NAALADL2: variants seen among roughly 807,000 people sequenced by gnomAD.
NAALADL2 encodes N-acetylated alpha-linked acidic dipeptidase like 2.
A neutral mutation model predicts 87.2 loss-of-function variants in NAALADL2; 76 were observed. The ratio of observed to expected loss-of-function variants is 0.87; its 90% CI spans 0.72 to 1.05. The LOEUF (loss-of-function observed/expected upper bound fraction) is 1.05, where lower values mean the gene tolerates loss of function less well. Ranked by LOEUF, NAALADL2 falls within the 50% of genes least tolerant of loss-of-function variation. NAALADL2 has a pLI of 0.00. For synonymous variants in NAALADL2, 354 were observed against 331.0 expected (o/e 1.07, Z -0.75); for missense variants, 1,089 against 945.8 (o/e 1.15, Z -1.99).
intron 4 of NAALADL2, among the ~76,000 whole-genome samples, chr3:175,294,008 G>A (rs1755993476): frequency 6.6e-6 from 1 of 152,208 alleles, no homozygotes; most frequent in Non-Finnish European, 1.5e-5. Flanking sequence ...GCCAAGCACA[G>A]TGCCTCTAAC....
Position 175,234,211 on chromosome 3 carries a change from T to G in NAALADL2, c.819+7T>G, listed in dbSNP as rs750620610. The G allele has an allele frequency of 4.3e-6, 7 of 1,611,652 alleles. No homozygotes were observed. Among genetic ancestry groups the G allele is most frequent in the Middle Eastern group, 3.3e-4 (2 of 6,034 alleles). On this transcript the variant is annotated splice_region_variant and intron_variant, in intron 3 of 13. Transcript: ENST00000454872. ...TGCCAAAGGAACTCTCAAGGTAATA[T>G]GACCATTTGTCTCTGTCATTTACAG...
At chr3:174,824,671 TAGG>T (rs1375475312) in intron 3 of NAALADL2, among the ~76,000 whole-genome samples, 6 of 152,282 alleles carry the variant, frequency 3.9e-5, no homozygotes, top group South Asian at 2.1e-4. Context: ...ATCAATCAAT[TAGG>T]AGATAATTCA....
chr3:174,515,163 G>A lies in NAALADL2; in HGVS notation c.-183-35406G>A, dbSNP rs184721068. Among the ~76,000 whole-genome samples, 3 of 152,222 alleles carry A rather than the reference G, an allele frequency of 2.0e-5. No individual in the cohort carries two copies. In the East Asian group the frequency reaches 5.8e-4, roughly 29 times the overall value. On this transcript the variant is annotated intron_variant, in intron 1 of 3. Transcript: ENST00000434257. ...AATAGTATTTCAGAAAAGGCATTCA[G>A]GTTGGGAGATGCATGTATATAGGAG...
At chr3:174,700,656 G>T (rs1325819318) in intron 2 of NAALADL2, among the ~76,000 whole-genome samples, 2 of 152,154 alleles carry the variant, frequency 1.3e-5, no homozygotes, top group African/African-American at 4.8e-5. Context: ...ACAACACAAA[G>T]TTCATGGCCA....
intron 2 of NAALADL2, among the ~76,000 whole-genome samples, chr3:175,163,667 C>A (rs1223650215): frequency 6.6e-6 from 1 of 152,048 alleles, no homozygotes; most frequent in Non-Finnish European, 1.5e-5. Flanking sequence ...GGTCTATAGT[C>A]CTAATATTTT....
chr3:175,059,008 G>C (rs754532004), intron 1 of NAALADL2, among the ~76,000 whole-genome samples: 30 of 152,176 alleles, frequency 2.0e-4, no homozygotes, highest in Non-Finnish European at 4.0e-4. Context: ...AGTTGTCAGG[G>C]ACATTGCTTT....
chr3:175,557,569 C>G (rs551798387), intron 9 of NAALADL2, among the ~76,000 whole-genome samples: 27 of 152,258 alleles, frequency 1.8e-4, no homozygotes, highest in Admixed American at 1.8e-3. Flanking sequence ...CGTTCCCAGC[C>G]TCTGGTAACC....
intron 9 of NAALADL2, among the ~76,000 whole-genome samples, chr3:175,540,235 A>G (rs551636394): frequency 6.6e-4 from 100 of 152,338 alleles, no homozygotes; most frequent in African/African-American, 2.2e-3. Context: ...AGTGTCATCA[A>G]GAAAGATCTT....
chr3:175,431,346 G>A (rs1216889456), intron 5 of NAALADL2, among the ~76,000 whole-genome samples: 1 of 152,100 alleles, frequency 6.6e-6, no homozygotes, highest in African/African-American at 2.4e-5. Context: ...ATCAGAAGGA[G>A]CAATAGAGAT....
At chr3:174,900,205 A>G (rs1732143747) in intron 1 of NAALADL2, among the ~76,000 whole-genome samples, 1 of 152,114 alleles carries the variant, frequency 6.6e-6, no homozygotes, top group Non-Finnish European at 1.5e-5. Flanking sequence ...TTTATAAACT[A>G]TCACAATTAG....
intron 3 of NAALADL2, among the ~76,000 whole-genome samples, chr3:175,254,067 T>A (rs1356596377): frequency 2.0e-5 from 3 of 152,140 alleles, no homozygotes; most frequent in Non-Finnish European, 4.4e-5. Flanking sequence ...GCAATAGGGT[T>A]TTTGAGATAA....
intron 11 of NAALADL2, among the ~76,000 whole-genome samples, chr3:175,735,732 C>T (rs1744408890): frequency 6.6e-6 from 1 of 152,052 alleles, no homozygotes; most frequent in Non-Finnish European, 1.5e-5. Context: ...TTACCAGGTC[C>T]CTCCCATAAC....
intron 4 of NAALADL2, among the ~76,000 whole-genome samples, chr3:175,298,824 T>C (rs971790604): frequency 6.6e-6 from 1 of 152,200 alleles, no homozygotes; most frequent in African/African-American, 2.4e-5. Flanking sequence ...AATGTACTTC[T>C]GTGAAATACG....
At chr3:175,265,980 A>G (rs1433113860) in intron 4 of NAALADL2, among the ~76,000 whole-genome samples, 1 of 140,068 alleles carries the variant, frequency 7.1e-6, no homozygotes, top group Admixed American at 7.5e-5. Context: ...TTGGGTTTAT[A>G]GATCATATAT....
At chr3:174,860,575 C>A (rs950510136) in intron 1 of NAALADL2, among the ~76,000 whole-genome samples, 2 of 151,934 alleles carry the variant, frequency 1.3e-5, no homozygotes, top group East Asian at 3.9e-4. Flanking sequence ...ATATGGGAAG[C>A]CTCTAGTTTG....
At chr3:174,717,480 A>G (rs539034244) in intron 2 of NAALADL2, among the ~76,000 whole-genome samples, 3 of 152,286 alleles carry the variant, frequency 2.0e-5, no homozygotes, top group South Asian at 2.1e-4. Context: ...AAGAAAACCA[A>G]TCTTAATTAG....
At chr3:175,148,279 A>G in intron 2 of NAALADL2, among the ~76,000 whole-genome samples, 1 of 151,506 alleles carries the variant, frequency 6.6e-6, no homozygotes, top group East Asian at 1.9e-4. Flanking sequence ...TTTTTTGCCT[A>G]CTTTTTAATG....
chr3:174,682,261 C>T (rs1727615603), intron 2 of NAALADL2, among the ~76,000 whole-genome samples: 1 of 152,220 alleles, frequency 6.6e-6, no homozygotes, highest in African/African-American at 2.4e-5. Flanking sequence ...AGGGAGTTTC[C>T]TGAGGTTTCC....
intron 5 of NAALADL2, among the ~76,000 whole-genome samples, chr3:175,342,149 C>T (rs545444877): frequency 1.3e-5 from 2 of 152,030 alleles, no homozygotes; most frequent in Non-Finnish European, 2.9e-5. Context: ...TGGTCTCTTA[C>T]ATTTGCATAT....
Sources: gnomAD v4.1 joint callset for allele counts (sites outside exome capture counted in the v4.1 genomes callset) on GRCh38, gnomAD v4.1.1 for gene constraint, MANE v1.5 for transcripts, NCBI Gene and HGNC (gene_info 2026-07-23, HGNC 2026-07-21) for gene names.